Variants in PRR5L observed in about 807,000 individuals in gnomAD.
PRR5L encodes the protein proline-rich protein 5-like.
In PRR5L, 21 loss-of-function variants were observed where a neutral mutation model predicts 36.4. The ratio of observed to expected loss-of-function variants is 0.58; its 90% confidence interval spans 0.41 to 0.83. The LOEUF is 0.83. PRR5L is among the 40% of genes least tolerant of loss of function. The probability of loss-of-function intolerance (pLI) is 0.00; values close to 1 mark genes in which losing one functional copy is unlikely to be tolerated. For missense variants in PRR5L, 381 were observed against 473.3 expected (o/e 0.80, Z 1.81); for synonymous variants, 188 against 197.0 (o/e 0.95, Z 0.38).
At position 36,361,079 on chromosome 11, in the gene PRR5L, T is replaced by A. The variant is rs1333818033; in HGVS notation, c.-125-39918T>A. Among the ~76,000 whole-genome samples the A allele has an allele frequency of 2.0e-5, 3 of 152,220 alleles. No individual in the cohort carries two copies. The East Asian group carries it at 5.8e-4, about 29-fold the overall frequency. ...CACTGGTCCCCACCTATGTAACTCA[T>A]CTTAGTTGCTTGAGATCCTTTTAGG... is the stretch of plus-strand genomic sequence containing the variant. On this transcript the variant is annotated intron_variant, in intron 1 of 8. Transcript: ENST00000530639.
At chr11:36,409,752 T>C (rs1278345444) in intron 3 of PRR5L, among the ~76,000 whole-genome samples, 2 of 152,218 alleles carry the variant, frequency 1.3e-5, no homozygotes, top group Non-Finnish European at 2.9e-5. Flanking sequence ...GTGCTTCATA[T>C]GTGTCAACTC....
At chr11:36,375,409 A>G (rs1202383252) in intron 1 of PRR5L, among the ~76,000 whole-genome samples, 1 of 152,040 alleles carries the variant, frequency 6.6e-6, no homozygotes, top group Non-Finnish European at 1.5e-5. Flanking sequence ...AACTTCTTCA[A>G]CCCGCTCTCA....
chr11:36,407,124 T>C (rs734429), intron 3 of PRR5L, among the ~76,000 whole-genome samples: 8,225 of 152,222 alleles, frequency 0.054, 315 homozygotes, highest in African/African-American at 0.11. Context: ...AGTAAAGTGA[T>C]ACATAATGGG....
In PRR5L at chr11:36,408,545, C is replaced by T. The variant is rs529136161; in HGVS notation, c.245+5167C>T. Reference sequence around the variant, plus strand: ...CCCTAAATTTCCATCTGCCAGAGTTCGGGCTGATTCTGGGAGTCTTCTTGT... The same window carrying T: ...CCCTAAATTTCCATCTGCCAGAGTTTGGGCTGATTCTGGGAGTCTTCTTGT... On this transcript the variant is annotated intron_variant, in intron 3 of 8. Coordinates refer to ENST00000530639, the MANE Select transcript of PRR5L (RefSeq NM_001160167.2). Among the ~76,000 whole-genome samples the T allele has an allele frequency of 9.2e-5, 14 of 152,290 alleles. No individual in the cohort carries two copies. The South Asian group carries it at 1.9e-3, about 20-fold the overall frequency.
intron 1 of PRR5L, among the ~76,000 whole-genome samples, chr11:36,367,838 G>A (rs951589023): frequency 6.6e-6 from 1 of 152,070 alleles, no homozygotes; most frequent in African/African-American, 2.4e-5. Context: ...AAGGGTAAGA[G>A]AGTCCAGGGT....
chr11:36,371,818 G>A (rs1857199799), intron 1 of PRR5L, among the ~76,000 whole-genome samples: 2 of 152,164 alleles, frequency 1.3e-5, no homozygotes, highest in South Asian at 4.1e-4. Context: ...CAGCGCTTTG[G>A]GAGGCAGAGG....
At chr11:36,375,234 C>CAAAA (rs35932528) in intron 1 of PRR5L, among the ~76,000 whole-genome samples, 1 of 140,750 alleles carries the variant, frequency 7.1e-6, no homozygotes, top group Admixed American at 7.1e-5. Context: ...GAAACTGTCT[C>CAAAA]AAAAAAAAAA....
intron 4 of PRR5L, among the ~76,000 whole-genome samples, chr11:36,431,463 T>TA (rs1564947086): frequency 7.0e-4 from 87 of 125,052 alleles, no homozygotes; most frequent in Middle Eastern, 4.8e-3. Flanking sequence ...ATCTTTTTTT[T>TA]TAAAAAAAAA....
intron 4 of PRR5L, among the ~76,000 whole-genome samples, chr11:36,427,698 G>A (rs1054244908): frequency 5.9e-5 from 9 of 152,226 alleles, no homozygotes; most frequent in Admixed American, 5.9e-4. Flanking sequence ...ATCTTTAGGT[G>A]AAGTGACAGG....
intron 5 of PRR5L, among the ~76,000 whole-genome samples, chr11:36,436,240 C>G (rs977543386): frequency 2.0e-5 from 3 of 152,220 alleles, no homozygotes; most frequent in Non-Finnish European, 4.4e-5. Flanking sequence ...TCTTGCCAAA[C>G]GCGTCTCTCA....
chr11:36,446,833 A>G lies in PRR5L; in HGVS notation c.585+393A>G, dbSNP rs189459146. 9.6e-4 allele frequency among the ~76,000 whole-genome samples: 146 copies of G among 152,326 alleles called. 1 individual carries two copies. Among genetic ancestry groups the G allele is most frequent in the South Asian group, 7.5e-3 (36 of 4,830 alleles). On this transcript the variant is annotated intron_variant, in intron 7 of 8. Transcript: ENST00000530639. Reference sequence around the variant, plus strand: ...AAAGCTCCTAGGGCAGATGGACTTCAGGAGGGATTACAACCAGGAATGAGG... The same window carrying G: ...AAAGCTCCTAGGGCAGATGGACTTCGGGAGGGATTACAACCAGGAATGAGG...
In PRR5L at chr11:36,437,463, T is replaced by G; in HGVS notation, c.431T>G (p.Phe144Cys). ...TETLPTLQAI[F>C]YPVQGQELTI... ...ACTCTCCCTACCCTGCAGGCAATAT[T>G]TTATCCAGTTCAGGTTAGTCTCATT... Residue 144 changes from phenylalanine to cysteine, a missense_variant, in exon 6 of 9, where the codon TTT becomes TGT. Coordinates refer to ENST00000530639, the MANE Select transcript of PRR5L (RefSeq NM_001160167.2). The G allele has an allele frequency of 6.2e-7, 1 of 1,600,470 alleles. No homozygotes were observed. Among genetic ancestry groups the G allele is most frequent in the Non-Finnish European group, 8.6e-7 (1 of 1,167,900 alleles).
chr11:36,430,768 G>C (rs1031915183), intron 4 of PRR5L, among the ~76,000 whole-genome samples: 1 of 152,192 alleles, frequency 6.6e-6, no homozygotes, highest in African/African-American at 2.4e-5. Context: ...TACATATGAG[G>C]AGCTTGGGAC....
At chr11:36,316,365 AT>A (rs1467349384) in intron 1 of PRR5L, among the ~76,000 whole-genome samples, 1 of 152,126 alleles carries the variant, frequency 6.6e-6, no homozygotes, top group African/African-American at 2.4e-5. Context: ...AGACAGGGGA[AT>A]TGCAATGGAG....
rs371560315 is a variant in PRR5L, at chr11:36,355,586, G to A, written c.-125-45411G>A. 2.9e-4 allele frequency among the ~76,000 whole-genome samples: 40 copies of A among 139,098 alleles called. No homozygotes were observed. The East Asian group carries it at 4.6e-3, about 16-fold the overall frequency. The allele number at this position is 139,098 out of a possible 152,430, so 91.3% of individuals were successfully genotyped here. ...TTTTTTTGAGACAGAGTCTTGCTCT[G>A]TCACCCAGTCTGGAGTACAGTGGTG... is the stretch of plus-strand genomic sequence containing the variant. On this transcript the variant is annotated intron_variant, in intron 1 of 8. Coordinates refer to ENST00000530639, the MANE Select transcript of PRR5L (RefSeq NM_001160167.2).
chr11:36,397,057 G>GTTTTC (rs1393894449), intron 1 of PRR5L, among the ~76,000 whole-genome samples: 6 of 148,336 alleles, frequency 4.0e-5, no homozygotes, highest in African/African-American at 1.2e-4. Context: ...TGATGTTCAA[G>GTTTTC]TTTTCTTTTC....
At chr11:36,395,515 A>G (rs776558542) in intron 1 of PRR5L, among the ~76,000 whole-genome samples, 5 of 152,188 alleles carry the variant, frequency 3.3e-5, no homozygotes, top group Non-Finnish European at 7.3e-5. Flanking sequence ...CATTTCTGTC[A>G]TCTTGAAGTT....
In PRR5L at chr11:36,345,840, G is replaced by A. The variant is rs540035271; in HGVS notation, c.-126+49402G>A. Among the ~76,000 whole-genome samples the A allele has an allele frequency of 1.6e-4, 24 of 152,330 alleles. No individual in the cohort carries two copies. The South Asian group carries it at 3.5e-3, about 22-fold the overall frequency. ...CGGCAGAAAGCTGGGAAGCGTCTAG[G>A]TGAGTCTATCAGGACAAGATTTTCA... is the stretch of plus-strand genomic sequence containing the variant. On this transcript the variant is annotated intron_variant, in intron 1 of 8. Transcript: ENST00000530639.
chr11:36,335,723 T>G (rs1245646935), intron 1 of PRR5L, among the ~76,000 whole-genome samples: 1 of 152,182 alleles, frequency 6.6e-6, no homozygotes, highest in Non-Finnish European at 1.5e-5. Context: ...ACAGGATAAT[T>G]ATAGGATATT....
Sources: allele counts gnomAD v4.1 joint callset (sites outside exome capture counted in the v4.1 genomes callset), GRCh38; gene constraint gnomAD v4.1.1; transcripts MANE v1.5; gene names NCBI Gene and HGNC (gene_info 2026-07-23, HGNC 2026-07-21).